PLD5: variants seen among roughly 807,000 people sequenced by gnomAD.
PLD5 encodes the protein inactive phospholipase D5.
PLD5 carries 36 observed loss-of-function variants against 61.1 expected under a neutral mutation model. The observed-to-expected ratio is 0.59, with a 90% CI of 0.45 to 0.78. PLD5 has a LOEUF of 0.78. Ranked by LOEUF, PLD5 falls within the 30% of genes least tolerant of loss-of-function variation. The pLI, the probability that PLD5 is intolerant of heterozygous loss-of-function variation, is 0.00. For synonymous variants in PLD5, 243 were observed against 242.8 expected, an observed-to-expected ratio of 1.00 and a Z score of -0.01; for missense variants, 515 against 644.4, an observed-to-expected ratio of 0.80 and a Z score of 2.17.
chr1:242,411,632 T>C (rs1301891328), intron 1 of PLD5, among the ~76,000 whole-genome samples: 4 of 152,238 alleles, frequency 2.6e-5, no homozygotes, highest in Admixed American at 2.0e-4. Context: ...AGGAATTTTA[T>C]AGGATGATTT....
chr1:242,126,629 C>T (rs1296985591), intron 5 of PLD5, among the ~76,000 whole-genome samples: 2 of 152,166 alleles, frequency 1.3e-5, no homozygotes, highest in Admixed American at 6.5e-5. Flanking sequence ...GAAACTGGAT[C>T]CTTATCTCTC....
chr1:242,437,670 C>T (rs949577638), intron 1 of PLD5, among the ~76,000 whole-genome samples: 1 of 142,534 alleles, frequency 7.0e-6, no homozygotes, highest in Non-Finnish European at 1.5e-5. Context: ...CTGGGCAACA[C>T]AGCAAGTTTA....
At chr1:242,313,401 C>G (rs1676820552) in intron 2 of PLD5, among the ~76,000 whole-genome samples, 1 of 152,058 alleles carries the variant, frequency 6.6e-6, no homozygotes, top group South Asian at 2.1e-4. Context: ...TTTTGTTTTC[C>G]TAAGTCATGC....
intron 5 of PLD5, among the ~76,000 whole-genome samples, chr1:242,207,904 T>TTATATATATTTA (rs1558344491): frequency 0.016 from 207 of 13,292 alleles, 37 homozygotes; most frequent in South Asian, 0.026. Context: ...ATTTATATAT[T>TTATATATATTTA]TATATATATT....
At chr1:242,266,510 T>C (rs530876416) in intron 3 of PLD5, among the ~76,000 whole-genome samples, 6 of 152,262 alleles carry the variant, frequency 3.9e-5, no homozygotes, top group Non-Finnish European at 5.9e-5. Flanking sequence ...GGTCATCAGA[T>C]TGCACCATTA....
intron 1 of PLD5, among the ~76,000 whole-genome samples, chr1:242,492,233 C>T (rs1359983159): frequency 6.6e-6 from 1 of 152,074 alleles, no homozygotes. Context: ...TACACGGTGG[C>T]CAGGCACGTG....
chr1:242,144,765 A>G (rs1330933914), intron 5 of PLD5, among the ~76,000 whole-genome samples: 1 of 152,078 alleles, frequency 6.6e-6, no homozygotes, highest in Admixed American at 6.6e-5. Context: ...TGGGTGACAG[A>G]GTGAAACCCT....
chr1:242,192,277 A>T (rs1357692910), intron 5 of PLD5: 1 of 152,222 alleles, frequency 6.6e-6, no homozygotes, highest in African/African-American at 2.4e-5. Context: ...ATGCAGTTTC[A>T]GTAGGTCCTT....
chr1:242,090,917 CT>C (rs1221759908), intron 9 of PLD5, among the ~76,000 whole-genome samples: 2 of 151,806 alleles, frequency 1.3e-5, no homozygotes, highest in South Asian at 2.1e-4. Context: ...TTTTTGGTTC[CT>C]TTTTTTAATT....
In PLD5 at chr1:242,436,608, C is replaced by G. The variant is rs1356032420; in HGVS notation, c.189+87480G>C. Among the ~76,000 whole-genome samples, 24 of 152,278 alleles carry G rather than the reference C, an allele frequency of 1.6e-4. No individual in the cohort carries two copies. The South Asian group carries it at 5.0e-3, about 32-fold the overall frequency. On this transcript the variant is annotated intron_variant, in intron 1 of 9. Coordinates refer to ENST00000536534, the MANE Select transcript of PLD5 (RefSeq NM_001372062.1). ...AAAAAGTACAACTGAAGACAATCAG[C>G]CTATACATATAAGCTAATTATAAAG...
At chr1:242,392,929 C>T (rs537919614) in intron 1 of PLD5, among the ~76,000 whole-genome samples, 21 of 152,058 alleles carry the variant, frequency 1.4e-4, no homozygotes, top group Admixed American at 2.6e-4. Flanking sequence ...TAGGCAGGGC[C>T]GCAGTGGCTC....
chr1:242,336,212 G>T (rs544619933), intron 2 of PLD5, among the ~76,000 whole-genome samples: 1 of 152,230 alleles, frequency 6.6e-6, no homozygotes, highest in East Asian at 1.9e-4. Flanking sequence ...TAACATTAAT[G>T]ATACAGACTC....
chr1:242,381,388 A>G (rs570860781), intron 1 of PLD5, among the ~76,000 whole-genome samples: 2 of 152,142 alleles, frequency 1.3e-5, no homozygotes, highest in South Asian at 4.2e-4. Flanking sequence ...ACTAGGGCCT[A>G]TAGGTGGTTG....
chr1:242,145,387 T>C (rs1664475511), intron 5 of PLD5, among the ~76,000 whole-genome samples: 1 of 152,186 alleles, frequency 6.6e-6, no homozygotes, highest in Non-Finnish European at 1.5e-5. Context: ...ACAATGACCT[T>C]GTTTGTCTTA....
At chr1:242,474,682 T>G (rs187227866) in intron 1 of PLD5, among the ~76,000 whole-genome samples, 1 of 152,158 alleles carries the variant, frequency 6.6e-6, no homozygotes, top group Non-Finnish European at 1.5e-5. Flanking sequence ...CTCCTCCCTT[T>G]CTCTGCAGTA....
intron 5 of PLD5, among the ~76,000 whole-genome samples, chr1:242,144,604 A>G (rs759736992): frequency 6.6e-6 from 1 of 152,200 alleles, no homozygotes; most frequent in East Asian, 1.9e-4. Flanking sequence ...AACATGGTGA[A>G]ACCCCATCTC....
intron 9 of PLD5, among the ~76,000 whole-genome samples, chr1:242,096,373 G>C (rs1434163064): frequency 1.4e-5 from 2 of 146,450 alleles, no homozygotes; most frequent in African/African-American, 5.0e-5. Flanking sequence ...ATGGAGTCTT[G>C]CTCTGCCACC....
intron 1 of PLD5, among the ~76,000 whole-genome samples, chr1:242,390,771 CTA>C (rs1473725901): frequency 6.6e-6 from 1 of 152,126 alleles, no homozygotes; most frequent in Non-Finnish European, 1.5e-5. Context: ...TGCAGGAAGA[CTA>C]TGTTCTTCCT....
At chr1:242,391,564 G>A (rs887280300) in intron 1 of PLD5, among the ~76,000 whole-genome samples, 4 of 149,638 alleles carry the variant, frequency 2.7e-5, no homozygotes, top group African/African-American at 5.0e-5. Context: ...TTTTAATCTC[G>A]CAGAAGTGAA....
Sources: gnomAD v4.1 joint callset for allele counts (sites outside exome capture counted in the v4.1 genomes callset) on GRCh38, gnomAD v4.1.1 for gene constraint, MANE v1.5 for transcripts, NCBI Gene and HGNC (gene_info 2026-07-23, HGNC 2026-07-21) for gene names.